Variants in POM121 observed in about 807,000 individuals in gnomAD.
POM121 encodes POM121 transmembrane nucleoporin, also known as nuclear envelope pore membrane protein POM 121.
POM121 carries 32 observed loss-of-function variants against 81.3 expected under a neutral mutation model. The ratio of observed to expected loss-of-function variants is 0.39; its 90% CI spans 0.30 to 0.53. The LOEUF (loss-of-function observed/expected upper bound fraction) is 0.53. Ranked by LOEUF, POM121 falls within the 20% of genes least tolerant of loss-of-function variation. The probability of loss-of-function intolerance (pLI) is 0.66; values close to 1 mark genes in which losing one functional copy is unlikely to be tolerated. For missense variants in POM121, 1,138 were observed against 1,614.6 expected, an observed-to-expected ratio of 0.70 and a Z score of 5.06; for synonymous variants, 514 against 694.2, an observed-to-expected ratio of 0.74 and a Z score of 4.08.
intron 3 of POM121, among the ~76,000 whole-genome samples, chr7:72,899,186 T>C (rs1792312457): frequency 6.6e-6 from 1 of 152,048 alleles, no homozygotes; most frequent in Non-Finnish European, 1.5e-5. Flanking sequence ...GGTTTCATCA[T>C]GTTGGTCAGG....
upstream of POM121, chr7:72,924,879 G>A (rs1295493533): frequency 2.4e-5 from 13 of 552,432 alleles, no homozygotes; most frequent in African/African-American, 6.0e-5. Context: ...TATCTTGGAC[G>A]CGATCCTTCC....
intron 1 of POM121, among the ~76,000 whole-genome samples, chr7:72,880,269 G>T (rs1207287892): frequency 6.6e-6 from 1 of 152,158 alleles, no homozygotes; most frequent in Non-Finnish European, 1.5e-5. Context: ...TCGTAGTAAT[G>T]CAGGAACAGT....
At chr7:72,945,235 G>A (rs237933) in intron 11 of POM121, among the ~76,000 whole-genome samples, 46 of 152,134 alleles carry the variant, frequency 3.0e-4, no homozygotes, top group East Asian at 2.7e-3. Context: ...GTGGCTGGGG[G>A]AAAAGGCCTG....
chr7:72,885,994 A>C (rs2129574532), intron 1 of POM121, among the ~76,000 whole-genome samples: 1 of 152,270 alleles, frequency 6.6e-6, no homozygotes, highest in South Asian at 2.1e-4. Flanking sequence ...TAATTGTCAT[A>C]GTTTATTCTT....
chr7:72,950,192 CGAGGCTGCCAGGGAA>C (rs1797966150), downstream of POM121: 1 of 1,608,096 alleles, frequency 6.2e-7, no homozygotes, highest in Non-Finnish European at 8.5e-7. Context: ...CGTAAGTCAT[CGAGGCTGCCAGGGAA>C]GAACCATTCA....
chr7:72,926,402 G>C lies in POM121; in HGVS notation c.785G>C (p.Arg262Pro). The change falls in exon 2 of 13, where the codon CGC (arginine) becomes CCC (proline). Residue 262 changes from arginine (R) to proline (P), a missense_variant. Transcript: ENST00000434423. ...GYHKKAVLSPRNSRMVCSPVT... is the reference protein window; with the variant it reads ...GYHKKAVLSPPNSRMVCSPVT... ...CACAAGAAGGCTGTGCTGTCCCCTC[G>C]CAACTCCAGGATGGTGTGTAGCCCA... The C allele has an allele frequency of 1.9e-6, 3 of 1,613,946 alleles. No homozygotes were observed. The highest frequency in any genetic ancestry group is 4.5e-5 in the East Asian group (2 of 44,880).
chr7:72,929,914 C>T, intron 4 of POM121, 26 bp from the exon 5 acceptor site: 2 of 1,554,742 alleles, frequency 1.3e-6, no homozygotes, highest in Non-Finnish European at 1.7e-6. Context: ...TTCAATAAAG[C>T]ATCTAACTGT....
At chr7:72,884,876 C>A (rs1201746467) in intron 1 of POM121, among the ~76,000 whole-genome samples, 1 of 151,916 alleles carries the variant, frequency 6.6e-6, no homozygotes, top group Non-Finnish European at 1.5e-5. Context: ...TATTAAATAT[C>A]CATAGCACAG....
intron 2 of POM121, 78 bp downstream of exon 2, chr7:72,926,555 T>C: frequency 6.3e-7 from 1 of 1,591,526 alleles, no homozygotes. Context: ...ATGACATGAC[T>C]ACAACGCAGA....
rs1554497032 is a variant in POM121, at chr7:72,925,439, C to G, written c.318C>G (p.Phe106Leu). ...AGGCGCGTCATCGGCGAACACTGTT[C>G]GCTTCGCCTCTGGCCAAGTCGACAG... is the stretch of plus-strand genomic sequence containing the variant. ...VRKARHRRTL[F>L]ASPLAKSTAN... Residue 106 changes from phenylalanine (F) to leucine (L), a missense_variant, in exon 1 of 13, where the codon TTC becomes TTG. Coordinates refer to ENST00000434423, the MANE Select transcript of POM121 (RefSeq NM_001387691.1). 7 of 1,533,798 alleles carry G rather than the reference C, an allele frequency of 4.6e-6. No homozygotes were observed. Among genetic ancestry groups the G allele is most frequent in the Non-Finnish European group, 6.1e-6 (7 of 1,146,628 alleles).
intron 4 of POM121, among the ~76,000 whole-genome samples, chr7:72,919,206 T>C (rs1353612252): frequency 3.3e-5 from 4 of 122,124 alleles, no homozygotes; most frequent in East Asian, 4.3e-4. Flanking sequence ...ATGCCCAGCC[T>C]TTTTTTTTTT....
At chr7:72,904,963 C>T (rs778527170) in intron 3 of POM121, among the ~76,000 whole-genome samples, 20 of 152,166 alleles carry the variant, frequency 1.3e-4, no homozygotes, top group African/African-American at 2.4e-4. Context: ...TGGGGTGAAC[C>T]GCGCCCGTGA....
intron 5 of POM121, among the ~76,000 whole-genome samples, chr7:72,934,888 C>T (rs1586167861): frequency 6.6e-6 from 1 of 152,106 alleles, no homozygotes; most frequent in African/African-American, 2.4e-5. Flanking sequence ...TATTTTTCTA[C>T]CTACCCTTGT....
At chr7:72,920,950 G>A (rs1297449790), upstream of POM121, among the ~76,000 whole-genome samples, 2 of 152,136 alleles carry the variant, frequency 1.3e-5, no homozygotes, top group Non-Finnish European at 2.9e-5. Flanking sequence ...AGAGGCCGAG[G>A]TGGGCAGATC....
Position 72,943,322 on chromosome 7 carries a change from GCTTTGGGAT to G in POM121, c.3331_3339del (p.Phe1111_Ile1113del). ...TCGGCAGCCCCCGCTGGCAGTGGGA[GCTTTGGGAT>G]CAATGTGGCCACCCCAGGCTCCAGC... On this transcript the variant is annotated inframe_deletion, in exon 11 of 13. Transcript: ENST00000434423. 6.2e-7 allele frequency: 1 copy of G among 1,607,684 alleles called. No homozygotes were observed. Among genetic ancestry groups the G allele is most frequent in the Non-Finnish European group, 8.5e-7 (1 of 1,177,410 alleles).
At chr7:72,893,713 C>T (rs1254779737) in intron 3 of POM121, among the ~76,000 whole-genome samples, 3 of 152,112 alleles carry the variant, frequency 2.0e-5, no homozygotes, top group South Asian at 2.1e-4. Flanking sequence ...TTGTCAAGCA[C>T]GTGACAGCAC....
At chr7:72,923,604 T>C, upstream of POM121, among the ~76,000 whole-genome samples, 1 of 131,630 alleles carries the variant, frequency 7.6e-6, no homozygotes. Context: ...TTTTTTTTTT[T>C]TTTTTTTTTT....
downstream of POM121, chr7:72,948,759 G>A (rs782335018): frequency 3.2e-6 from 5 of 1,578,272 alleles, no homozygotes; most frequent in East Asian, 2.2e-5. Flanking sequence ...TCGGCACCCG[G>A]GAACGTGCTC....
chr7:72,902,189 G>A (rs1293012756), intron 3 of POM121, among the ~76,000 whole-genome samples: 1 of 149,518 alleles, frequency 6.7e-6, no homozygotes, highest in East Asian at 1.9e-4. Flanking sequence ...GTTTCCATCT[G>A]CTCAAATGAA....
Sources: gnomAD v4.1 joint callset for allele counts (sites outside exome capture counted in the v4.1 genomes callset) on GRCh38, gnomAD v4.1.1 for gene constraint, MANE v1.5 for transcripts, NCBI Gene and HGNC (gene_info 2026-07-23, HGNC 2026-07-21) for gene names.